KCTD8: variants seen among roughly 807,000 people sequenced by gnomAD.
The protein encoded by KCTD8 is BTB/POZ domain-containing protein KCTD8.
In KCTD8, 27 loss-of-function variants were observed where a neutral mutation model predicts 31.5. That is an observed-to-expected ratio of 0.86 (90% CI 0.63 to 1.18). The LOEUF is 1.18. KCTD8 is among the 50% of genes most tolerant of loss of function. KCTD8 has a pLI of 0.00. For missense variants in KCTD8, 658 were observed against 647.7 expected (o/e 1.02, Z -0.17); for synonymous variants, 290 against 280.0 (o/e 1.04, Z -0.36).
chr4:44,420,563 G>A (rs530426053), intron 1 of KCTD8, among the ~76,000 whole-genome samples: 1 of 152,244 alleles, frequency 6.6e-6, no homozygotes, highest in East Asian at 1.9e-4. Flanking sequence ...TCACAGAGTA[G>A]GCCATAATTT....
intron 1 of KCTD8, among the ~76,000 whole-genome samples, chr4:44,226,883 AGTT>A (rs1454953670): frequency 1.3e-5 from 2 of 150,274 alleles, no homozygotes; most frequent in Admixed American, 6.6e-5. Flanking sequence ...TTTTAGATGG[AGTT>A]GTTTTTTTTT....
chr4:44,313,328 C>G (rs56092224), intron 1 of KCTD8, among the ~76,000 whole-genome samples: 18,263 of 152,172 alleles, frequency 0.12, 1,309 homozygotes, highest in East Asian at 0.25. Context: ...TCTGGGGTTA[C>G]AGCAGGTCGT....
intron 1 of KCTD8, among the ~76,000 whole-genome samples, chr4:44,443,543 G>A (rs953146663): frequency 6.6e-6 from 1 of 152,058 alleles, no homozygotes; most frequent in Non-Finnish European, 1.5e-5. Flanking sequence ...ACATTTCCCA[G>A]CCCAGTTCAG....
At chr4:44,330,934 C>T (rs557084324) in intron 1 of KCTD8, among the ~76,000 whole-genome samples, 71 of 151,752 alleles carry the variant, frequency 4.7e-4, no homozygotes, top group Non-Finnish European at 6.9e-4. Flanking sequence ...AGATATGAGG[C>T]ATACCACATT....
intron 1 of KCTD8, among the ~76,000 whole-genome samples, chr4:44,430,118 G>C (rs1178862385): frequency 6.6e-6 from 1 of 151,724 alleles, no homozygotes; most frequent in Non-Finnish European, 1.5e-5. Flanking sequence ...AGAACTGTCA[G>C]CCAGTACTAA....
intron 1 of KCTD8, among the ~76,000 whole-genome samples, chr4:44,183,585 T>C (rs1713493034): frequency 6.6e-6 from 1 of 152,114 alleles, no homozygotes; most frequent in Non-Finnish European, 1.5e-5. Context: ...GTCATTTGAA[T>C]AGATAATGAG....
intron 1 of KCTD8, among the ~76,000 whole-genome samples, chr4:44,397,886 T>C (rs1197536403): frequency 1.3e-5 from 2 of 152,138 alleles, no homozygotes; most frequent in Non-Finnish European, 2.9e-5. Flanking sequence ...AAAAATTGAT[T>C]TTTTTGTGGT....
At chr4:44,242,128 T>G (rs999032321) in intron 1 of KCTD8, among the ~76,000 whole-genome samples, 1 of 152,164 alleles carries the variant, frequency 6.6e-6, no homozygotes, top group African/African-American at 2.4e-5. Flanking sequence ...GAAGCAAAAC[T>G]ATTATTTATG....
intron 1 of KCTD8, among the ~76,000 whole-genome samples, chr4:44,279,713 A>G (rs1238474406): frequency 1.3e-5 from 2 of 152,080 alleles, no homozygotes; most frequent in Non-Finnish European, 2.9e-5. Context: ...AAGTAAACAC[A>G]TATGCAGGGT....
chr4:44,249,402 T>C (rs894036712), intron 1 of KCTD8, among the ~76,000 whole-genome samples: 1 of 151,814 alleles, frequency 6.6e-6, no homozygotes, highest in Non-Finnish European at 1.5e-5. Flanking sequence ...AATATTTTAA[T>C]TTTTAGGAAA....
chr4:44,225,239 G>A (rs953511215), intron 1 of KCTD8, among the ~76,000 whole-genome samples: 1 of 152,136 alleles, frequency 6.6e-6, no homozygotes, highest in African/African-American at 2.4e-5. Context: ...GTGCTACACC[G>A]GCATGGCAAT....
At chr4:44,275,008 G>T (rs760773334) in intron 1 of KCTD8, among the ~76,000 whole-genome samples, 2 of 151,956 alleles carry the variant, frequency 1.3e-5, no homozygotes, top group Non-Finnish European at 2.9e-5. Context: ...TTTAGAAAGT[G>T]AAGTGACTTT....
intron 1 of KCTD8, among the ~76,000 whole-genome samples, chr4:44,412,367 C>A (rs190681730): frequency 6.6e-6 from 1 of 152,288 alleles, no homozygotes; most frequent in Admixed American, 6.5e-5. Context: ...CACCAGCCAC[C>A]AATCTTTTGT....
At chr4:44,273,350 G>A (rs141232673) in intron 1 of KCTD8, among the ~76,000 whole-genome samples, 1,577 of 151,936 alleles carry the variant, frequency 0.01, 22 homozygotes, top group South Asian at 0.02. Context: ...ATATGTGTAC[G>A]TATGTCATAT....
At chr4:44,368,476 C>CA (rs1200427608) in intron 1 of KCTD8, among the ~76,000 whole-genome samples, 1 of 152,168 alleles carries the variant, frequency 6.6e-6, no homozygotes, top group African/African-American at 2.4e-5. Context: ...CACTGAAACT[C>CA]AATGACACTA....
chr4:44,378,101 CA>C (rs142493623), intron 1 of KCTD8, among the ~76,000 whole-genome samples: 5,426 of 142,648 alleles, frequency 0.038, 336 homozygotes, highest in African/African-American at 0.13. Context: ...TATAAGAAAG[CA>C]AAAAAAAAAT....
chr4:44,186,237 G>A lies in KCTD8; in HGVS notation c.962-10987C>T, dbSNP rs542200942. On this transcript the variant is annotated intron_variant, in intron 1 of 1. Coordinates refer to ENST00000360029, the MANE Select transcript of KCTD8 (RefSeq NM_198353.3). The stretch of plus-strand genomic sequence containing the variant: ...GACGCCAGCAGGCCATCAACTGGGG[G>A]AGCGATGTGGCGGCGGCTGAGGGGA... Among the ~76,000 whole-genome samples the A allele has an allele frequency of 1.7e-3, 264 of 152,306 alleles. 2 individuals carry two copies. The highest frequency in any genetic ancestry group is 6.0e-3 in the African/African-American group (251 of 41,566).
Position 44,174,764 on chromosome 4 carries a change from A to G in KCTD8, c.*26T>C. The G allele has an allele frequency of 6.5e-7, 1 of 1,536,890 alleles. No individual in the cohort carries two copies. Among genetic ancestry groups the G allele is most frequent in the Non-Finnish European group, 8.8e-7 (1 of 1,131,614 alleles). ...ACTGTAGTAAACATTGAATGTCATCAAAATACTGCAGGAATGTGACAATTA... is the reference window on the plus strand; with the variant it reads ...ACTGTAGTAAACATTGAATGTCATCGAAATACTGCAGGAATGTGACAATTA... On this transcript the variant is annotated 3_prime_UTR_variant, in exon 2 of 2. Transcript: ENST00000360029.
At chr4:44,353,150 C>T (rs374474400) in intron 1 of KCTD8, among the ~76,000 whole-genome samples, 2 of 152,212 alleles carry the variant, frequency 1.3e-5, no homozygotes, top group African/African-American at 4.8e-5. Context: ...CAGACAACCA[C>T]TAACCTGCTA....
Sources: allele counts gnomAD v4.1 joint callset (sites outside exome capture counted in the v4.1 genomes callset), GRCh38; gene constraint gnomAD v4.1.1; transcripts MANE v1.5; gene names NCBI Gene and HGNC (gene_info 2026-07-23, HGNC 2026-07-21).